The following TBX21 variants were observed in gnomAD, a reference collection of about 807,000 sequenced individuals.
TBX21 encodes the protein T-box transcription factor TBX21.
A neutral mutation model predicts 52.2 loss-of-function variants in TBX21; 11 were observed. The ratio of observed to expected loss-of-function variants is 0.21; its 90% CI spans 0.13 to 0.35. TBX21 has a LOEUF of 0.35. Ranked by LOEUF, TBX21 falls within the 10% of genes least tolerant of loss-of-function variation. The pLI is 1.00. For missense variants in TBX21, 625 were observed against 755.1 expected, an observed-to-expected ratio of 0.83 and a Z score of 2.02; for synonymous variants, 300 against 316.1, an observed-to-expected ratio of 0.95 and a Z score of 0.54.
At chr17:47,741,324 T>C (rs923020954) in intron 1 of TBX21, among the ~76,000 whole-genome samples, 1 of 151,982 alleles carries the variant, frequency 6.6e-6, no homozygotes, top group South Asian at 2.1e-4. Flanking sequence ...CTGGTGGTGA[T>C]GGTGCTGGTT....
intron 1 of TBX21, among the ~76,000 whole-genome samples, chr17:47,736,567 T>C (rs934939043): frequency 1.3e-5 from 2 of 152,146 alleles, no homozygotes; most frequent in Admixed American, 6.6e-5. Context: ...GGCTCTTCAC[T>C]GTTTCTTTTG....
intron 1 of TBX21, among the ~76,000 whole-genome samples, chr17:47,741,435 G>A (rs552598937): frequency 4.6e-5 from 7 of 151,904 alleles, no homozygotes; most frequent in Admixed American, 2.6e-4. Flanking sequence ...GCACAACAGC[G>A]GAATCATACA....
chr17:47,744,704 G>A, intron 5 of TBX21, 44 bp from the exon 6 acceptor site: 2 of 1,598,434 alleles, frequency 1.3e-6, no homozygotes, highest in Non-Finnish European at 1.7e-6. Context: ...ACAGGTGACT[G>A]GTTCTGCTTG....
chr17:47,733,879 A>G lies in TBX21; in HGVS notation c.425A>G (p.Asn142Ser), dbSNP rs999968268. The G allele has an allele frequency of 6.2e-7, 1 of 1,613,448 alleles. No individual in the cohort carries two copies. Among genetic ancestry groups the G allele is most frequent in the Non-Finnish European group, 8.5e-7 (1 of 1,179,860 alleles). ...EVSGKLRVALNNHLLWSKFNQ... is the reference protein window; with the variant it reads ...EVSGKLRVALSNHLLWSKFNQ... ...TCGGGGAAACTGAGGGTCGCGCTCA[A>G]CAACCACCTGTTGTGGTCCAAGTTT... Residue 142 changes from asparagine to serine, a missense_variant, in exon 1 of 6, where the codon AAC becomes AGC. Transcript: ENST00000177694. The surrounding 1 kb of genome is among the most constrained non-coding windows in gnomAD (Gnocchi z 6.6).
At chr17:47,743,609 T>C (rs12451801) in intron 3 of TBX21, among the ~76,000 whole-genome samples, 33,911 of 151,884 alleles carry the variant, frequency 0.22, 3,980 homozygotes, top group Middle Eastern at 0.3. Flanking sequence ...TGGCTGGGTG[T>C]GGTGGCTCAC....
At position 47,733,757 on chromosome 17, in the gene TBX21, C is replaced by T; in HGVS notation, c.303C>T (p.Gly101=). The change falls in exon 1 of 6, where the codon GGC becomes GGT. Residue 101 remains glycine (G), a synonymous_variant. Transcript: ENST00000177694. This position sits in a 1 kb window ranked among gnomAD's most constrained non-coding sequence, Gnocchi z 6.6. Reference sequence around the variant, plus strand: ...TCCCGCCGCCCGCGGACGCCGAGGGCTACCAGCCGGGCGAGGGCTACGCCG... The same window carrying T: ...TCCCGCCGCCCGCGGACGCCGAGGGTTACCAGCCGGGCGAGGGCTACGCCG... The part of the protein sequence containing the change: ...ESFPPPADAE[G]YQPGEGYAAP... 6.7e-7 allele frequency: 1 copy of T among 1,482,186 alleles called. No individual in the cohort carries two copies. Among genetic ancestry groups the T allele is most frequent in the Non-Finnish European group, 8.9e-7 (1 of 1,120,374 alleles). The allele number at this position is 1,482,186 out of a possible 1,614,324, so 91.8% of individuals were successfully genotyped here.
Position 47,742,922 on chromosome 17 carries a change from T to C in TBX21, c.647-149T>C. The C allele has an allele frequency of 6.7e-7, 1 of 1,502,496 alleles. No homozygotes were observed. Among genetic ancestry groups the C allele is most frequent in the Non-Finnish European group, 8.9e-7 (1 of 1,124,026 alleles). 93.1% of individuals were successfully genotyped at this position (1,502,496 alleles called of 1,614,324 possible). A position where few individuals can be genotyped will look rare whatever the true frequency, so the allele number is the denominator to read the frequency against. ...TCCTGTTTCTGGCTTCCTGCTTTGCTCTAGCCTGTCCTCTGCTGAGTCCTC... is the reference window on the plus strand; with the variant it reads ...TCCTGTTTCTGGCTTCCTGCTTTGCCCTAGCCTGTCCTCTGCTGAGTCCTC... On this transcript the variant is annotated intron_variant, in intron 2 of 5. Transcript: ENST00000177694. The surrounding 1 kb of genome is among the most constrained non-coding windows in gnomAD (Gnocchi z 4.4).
chr17:47,744,716 G>C, intron 5 of TBX21, 32 bp from the exon 6 acceptor site: 7 of 1,601,206 alleles, frequency 4.4e-6, no homozygotes, highest in Non-Finnish European at 6.0e-6. Flanking sequence ...TTCTGCTTGT[G>C]ACCCGTTTTC....
At position 47,742,072 on chromosome 17, in the gene TBX21, CTTT is replaced by C. The variant is rs34123804; in HGVS notation, c.492-526_492-524del. Among the ~76,000 whole-genome samples the C allele has an allele frequency of 2.1e-5, 3 of 143,566 alleles. No homozygotes were observed. The highest frequency in any genetic ancestry group is 3.1e-5 in the Non-Finnish European group (2 of 65,054). The allele number at this position is 143,566 out of a possible 152,430, so 94.2% of individuals were successfully genotyped here. ...AGTGATGATTTTTTAGTTTTTACTC[CTTT>C]TTTTTTTTTTTGAGATGGAGACTTG... On this transcript the variant is annotated intron_variant, in intron 1 of 5. Transcript: ENST00000177694. The surrounding 1 kb of genome is among the most constrained non-coding windows in gnomAD (Gnocchi z 4.4).
chr17:47,738,816 G>GT (rs1292279788), intron 1 of TBX21, among the ~76,000 whole-genome samples: 2 of 151,998 alleles, frequency 1.3e-5, no homozygotes, highest in Non-Finnish European at 2.9e-5. Flanking sequence ...ACCCAGGCTG[G>GT]TCTCAAACTC....
rs2032162751 is a variant in TBX21 at position 47,733,471 on chromosome 17, C to T, written c.17C>T (p.Pro6Leu). The T allele has an allele frequency of 6.7e-7, 1 of 1,489,172 alleles. No individual in the cohort carries two copies. The allele number at this position is 1,489,172 out of a possible 1,614,324, so 92.2% of individuals were successfully genotyped here. A position where few individuals can be genotyped will look rare whatever the true frequency, so the allele number is the denominator to read the frequency against. The change falls in exon 1 of 6, where the codon CCG (proline) becomes CTG (leucine). Residue 6 changes from proline to leucine, a missense_variant. Coordinates refer to ENST00000177694, the MANE Select transcript of TBX21 (RefSeq NM_013351.2). The surrounding 1 kb of genome is among the most constrained non-coding windows in gnomAD (Gnocchi z 6.6). ...CCGCCCCGGATGGGCATCGTGGAGCCGGGTTGCGGAGACATGCTGACGGGC... is the reference window on the plus strand; with the variant it reads ...CCGCCCCGGATGGGCATCGTGGAGCTGGGTTGCGGAGACATGCTGACGGGC... MGIVE[P>L]GCGDMLTGTE...
chr17:47,740,758 T>C (rs2143431251), intron 1 of TBX21, among the ~76,000 whole-genome samples: 1 of 152,244 alleles, frequency 6.6e-6, no homozygotes, highest in South Asian at 2.1e-4. Flanking sequence ...GGCTTGAGAA[T>C]TAACTTATCC....
rs923904721 is a variant in TBX21, at chr17:47,742,800, G to T, written c.646+36G>T. On this transcript the variant is annotated intron_variant, in intron 2 of 5. Coordinates refer to ENST00000177694, the MANE Select transcript of TBX21 (RefSeq NM_013351.2). The surrounding 1 kb of genome is among the most constrained non-coding windows in gnomAD (Gnocchi z 4.4). ...CCCTGGGAGCGGTGGGCTCTGTTTC[G>T]CTGGGACTGGGCGCCCCCTGGTGGG... 1.3e-6 allele frequency: 2 copies of T among 1,533,166 alleles called. No homozygotes were observed. Among genetic ancestry groups the T allele is most frequent in the Admixed American group, 2.0e-5 (1 of 49,906 alleles). 95.0% of individuals were successfully genotyped at this position (1,533,166 alleles called of 1,614,324 possible).
rs191857237 is a variant in TBX21, at chr17:47,744,736, A to G, written c.990-12A>G. 47 of 1,603,460 alleles carry G rather than the reference A, an allele frequency of 2.9e-5. No homozygotes were observed. In the African/African-American group the frequency reaches 4.2e-4, roughly 14 times the overall value. On this transcript the variant is annotated splice_polypyrimidine_tract_variant and intron_variant, in intron 5 of 5. Transcript: ENST00000177694. ...CTTGTGACCCGTTTTCTTGCCTTCTATTTTTTTCTAGCATGTACACATCTG... is the reference window on the plus strand; with the variant it reads ...CTTGTGACCCGTTTTCTTGCCTTCTGTTTTTTTCTAGCATGTACACATCTG...
intron 1 of TBX21, among the ~76,000 whole-genome samples, chr17:47,735,284 A>G (rs1343675812): frequency 6.6e-6 from 1 of 152,178 alleles, no homozygotes; most frequent in East Asian, 1.9e-4. Flanking sequence ...GTTGCCAGCC[A>G]CAACTGGCTT....
rs2074190 is a variant in TBX21, at chr17:47,733,844, A to C, written c.390A>C (p.Gly130=). 6.2e-7 allele frequency: 1 copy of C among 1,609,760 alleles called. No homozygotes were observed. Among genetic ancestry groups the C allele is most frequent in the Admixed American group, 1.7e-5 (1 of 59,332 alleles). ...GTGAGGACTACGCGCTACCCGCGGG[A>C]CTGGAGGTGTCGGGGAAACTGAGGG... ...GPREDYALPA[G]LEVSGKLRVA... Residue 130 remains glycine (G), a synonymous_variant, in exon 1 of 6, where the codon GGA becomes GGC. Coordinates refer to ENST00000177694, the MANE Select transcript of TBX21 (RefSeq NM_013351.2). This position sits in a 1 kb window ranked among gnomAD's most constrained non-coding sequence, Gnocchi z 6.6.
At chr17:47,734,090 G>A in intron 1 of TBX21, 145 bp downstream of exon 1, 1 of 1,390,724 alleles carries the variant, frequency 7.2e-7, no homozygotes, top group Non-Finnish European at 9.9e-7. Context: ...GAATGGGGTT[G>A]TTAGGAGGAC....
Position 47,733,844 on chromosome 17 carries a change from A to G in TBX21, c.390A>G (p.Gly130=), listed in dbSNP as rs2074190. The change falls in exon 1 of 6, where the codon GGA becomes GGG. Residue 130 remains glycine (G), a synonymous_variant. Coordinates refer to ENST00000177694, the MANE Select transcript of TBX21 (RefSeq NM_013351.2). The surrounding 1 kb of genome is among the most constrained non-coding windows in gnomAD (Gnocchi z 6.6). ...GPREDYALPA[G]LEVSGKLRVA... is the part of the protein sequence containing the mutation. ...GTGAGGACTACGCGCTACCCGCGGGACTGGAGGTGTCGGGGAAACTGAGGG... is the reference window on the plus strand; with the variant it reads ...GTGAGGACTACGCGCTACCCGCGGGGCTGGAGGTGTCGGGGAAACTGAGGG... The G allele has an allele frequency of 0.27, 438,665 of 1,609,696 alleles. 62,161 individuals are homozygous for G. The highest frequency in any genetic ancestry group is 0.38 in the South Asian group (34,421 of 90,760).
chr17:47,740,592 A>G (rs2032257811), intron 1 of TBX21, among the ~76,000 whole-genome samples: 1 of 152,066 alleles, frequency 6.6e-6, no homozygotes, highest in East Asian at 1.9e-4. Context: ...TTAGCCGGGT[A>G]TGGTGGCACA....
Sources: allele counts gnomAD v4.1 joint callset (sites outside exome capture counted in the v4.1 genomes callset), GRCh38; gene constraint gnomAD v4.1.1; non-coding constraint Gnocchi (gnomAD v3.1); transcripts MANE v1.5; gene names NCBI Gene and HGNC (gene_info 2026-07-23, HGNC 2026-07-21).